ESRRG: variants seen among roughly 807,000 people sequenced by gnomAD.
The protein encoded by ESRRG is estrogen-related receptor gamma.
A neutral mutation model predicts 44.0 loss-of-function variants in ESRRG; 13 were observed. The ratio of observed to expected loss-of-function variants is 0.30; its 90% confidence interval spans 0.19 to 0.47. The LOEUF (loss-of-function observed/expected upper bound fraction) is 0.47, where lower values mean the gene tolerates loss of function less well. Among genes scored for constraint, ESRRG ranks in the 20% least tolerant of loss-of-function variants. ESRRG has a pLI of 1.00. For missense variants in ESRRG, 395 were observed against 580.6 expected (o/e 0.68, Z 3.29); for synonymous variants, 215 against 214.6 (o/e 1.00, Z -0.02).
At chr1:216,684,501 C>T (rs185922413) in intron 1 of ESRRG, among the ~76,000 whole-genome samples, 14 of 152,224 alleles carry the variant, frequency 9.2e-5, no homozygotes, top group African/African-American at 3.4e-4. Context: ...CTGTTAAATG[C>T]ATAATAATGC....
intron 2 of ESRRG, among the ~76,000 whole-genome samples, chr1:216,652,005 A>G (rs893400570): frequency 5.3e-5 from 8 of 152,200 alleles, no homozygotes; most frequent in South Asian, 2.1e-4. Context: ...TTTCTCCCCA[A>G]TCAGCTCTGT....
At position 217,064,458 on chromosome 1, in the gene ESRRG, C is replaced by T. The variant is rs182112519; in HGVS notation, c.-106+25049G>A. 3.4e-3 allele frequency among the ~76,000 whole-genome samples: 515 copies of T among 152,164 alleles called. 2 individuals carry two copies. The highest frequency in any genetic ancestry group is 0.012 in the African/African-American group (497 of 41,514). ...TGATCCACAGTCACATGCTAATAAG[C>T]GGCAAAGCCATGTGCAGAACCCAGA... On this transcript the variant is annotated intron_variant, in intron 1 of 7. Coordinates refer to the ESRRG transcript ENST00000359162.
chr1:216,777,968 G>C (rs899393333), intron 2 of ESRRG, among the ~76,000 whole-genome samples: 1 of 151,918 alleles, frequency 6.6e-6, no homozygotes, highest in Non-Finnish European at 1.5e-5. Context: ...TCACCTACCT[G>C]GTACCTATCA....
chr1:216,749,829 G>A (rs1429952877), intron 2 of ESRRG, among the ~76,000 whole-genome samples: 1 of 151,974 alleles, frequency 6.6e-6, no homozygotes, highest in Non-Finnish European at 1.5e-5. Context: ...GGCAAATAGA[G>A]GTTTATCAAA....
intron 5 of ESRRG, among the ~76,000 whole-genome samples, chr1:216,562,662 C>T (rs899673527): frequency 6.6e-6 from 1 of 151,742 alleles, no homozygotes; most frequent in African/African-American, 2.4e-5. Flanking sequence ...TTATCTCGTC[C>T]CAAATATCAA....
intron 1 of ESRRG, among the ~76,000 whole-genome samples, chr1:217,114,280 T>C (rs948743506): frequency 6.6e-6 from 1 of 151,946 alleles, no homozygotes; most frequent in African/African-American, 2.4e-5. Flanking sequence ...TTCTGAGTTA[T>C]GTTATCCCCT....
chr1:217,084,949 C>T (rs943582405), intron 1 of ESRRG, among the ~76,000 whole-genome samples: 1 of 151,972 alleles, frequency 6.6e-6, no homozygotes, highest in Non-Finnish European at 1.5e-5. Context: ...TTATTCTTCA[C>T]AACTATAGGT....
chr1:216,687,020 AG>A lies in ESRRG; in HGVS notation c.57-9530del, dbSNP rs1291635841. Among the ~76,000 whole-genome samples, 4 of 118,142 alleles carry A rather than the reference AG, an allele frequency of 3.4e-5. No homozygotes were observed. In the Admixed American group the frequency reaches 3.8e-4, roughly 11 times the overall value. The allele number at this position is 118,142 out of a possible 152,430, so 77.5% of individuals were successfully genotyped here. On this transcript the variant is annotated intron_variant, in intron 1 of 6. Coordinates refer to ENST00000408911, the MANE Select transcript of ESRRG (RefSeq NM_001438.4). ...CTGAGTCACCATTCAGGGACATGGC[AG>A]GGCCCGTGTGTGTGTGTGTGTGTGT...
Position 216,849,916 on chromosome 1 carries a change from C to A in ESRRG, c.-14+89666G>T, listed in dbSNP as rs531677445. ...TTCACATGGAAGGTATCTTCTTCAG[C>A]AGAAAGAAGTTTATGAACTCTCTTG... On this transcript the variant is annotated intron_variant, in intron 2 of 7. Transcript: ENST00000359162. Among the ~76,000 whole-genome samples, 7 of 152,168 alleles carry A rather than the reference C, an allele frequency of 4.6e-5. No homozygotes were observed. In the East Asian group the frequency reaches 1.2e-3, roughly 25 times the overall value.
chr1:217,071,584 T>C (rs2090568591), intron 1 of ESRRG, among the ~76,000 whole-genome samples: 1 of 152,158 alleles, frequency 6.6e-6, no homozygotes, highest in Non-Finnish European at 1.5e-5. Context: ...AAAAATCAGT[T>C]TTATATATTA....
chr1:217,092,653 G>A (rs566749539), upstream of ESRRG, among the ~76,000 whole-genome samples: 11 of 152,274 alleles, frequency 7.2e-5, no homozygotes, highest in Admixed American at 1.3e-4. Context: ...CTCACACTGC[G>A]ATCCCAGTGT....
chr1:216,757,675 C>A (rs900413035), intron 2 of ESRRG, among the ~76,000 whole-genome samples: 1 of 151,998 alleles, frequency 6.6e-6, no homozygotes, highest in East Asian at 1.9e-4. Context: ...AATTTACAAT[C>A]TAACAACCTT....
chr1:216,648,350 T>A (rs1351717788), intron 3 of ESRRG, among the ~76,000 whole-genome samples: 1 of 152,100 alleles, frequency 6.6e-6, no homozygotes, highest in Non-Finnish European at 1.5e-5. Flanking sequence ...AAAACTGATA[T>A]TTTGCCATCG....
intron 1 of ESRRG, among the ~76,000 whole-genome samples, chr1:217,071,082 C>A (rs1471702097): frequency 1.3e-5 from 2 of 152,098 alleles, no homozygotes; most frequent in African/African-American, 4.8e-5. Context: ...ACTGCCATTT[C>A]TTCTTCTCCA....
At chr1:216,572,746 C>T (rs1421656096) in intron 3 of ESRRG, among the ~76,000 whole-genome samples, 1 of 151,874 alleles carries the variant, frequency 6.6e-6, no homozygotes, top group Non-Finnish European at 1.5e-5. Flanking sequence ...TACTAAAAAG[C>T]AAATTTTATA....
chr1:216,574,480 A>C (rs2061354092), intron 3 of ESRRG, among the ~76,000 whole-genome samples: 1 of 152,128 alleles, frequency 6.6e-6, no homozygotes, highest in African/African-American at 2.4e-5. Context: ...CTGTAGTCCA[A>C]AGTCAAAAGT....
chr1:217,036,982 C>T lies in ESRRG; in HGVS notation c.-106+52525G>A, dbSNP rs983782595. 3.3e-5 allele frequency among the ~76,000 whole-genome samples: 5 copies of T among 152,160 alleles called. No homozygotes were observed. In the East Asian group the frequency reaches 7.7e-4, roughly 24 times the overall value. On this transcript the variant is annotated intron_variant, in intron 1 of 7. Coordinates refer to the ESRRG transcript ENST00000359162. ...GGAGATGACCACTAGAGAAGAATCT[C>T]TCTTCCCAGGCCAGAGGAATCACTT...
intron 1 of ESRRG, among the ~76,000 whole-genome samples, chr1:216,979,921 G>A (rs1047929179): frequency 2.0e-5 from 3 of 152,002 alleles, no homozygotes; most frequent in Admixed American, 6.6e-5. Flanking sequence ...AATTCCTAAA[G>A]CTCCAAAACC....
chr1:216,651,666 T>C (rs1191889060), intron 2 of ESRRG, among the ~76,000 whole-genome samples: 1 of 152,152 alleles, frequency 6.6e-6, no homozygotes, highest in Admixed American at 6.6e-5. Context: ...GCTTGGTAAA[T>C]GCTTACTGAT....
Sources: allele counts gnomAD v4.1 joint callset (sites outside exome capture counted in the v4.1 genomes callset), GRCh38; gene constraint gnomAD v4.1.1; transcripts MANE v1.5; gene names NCBI Gene and HGNC (gene_info 2026-07-23, HGNC 2026-07-21).